The following UBA6 variants were observed in gnomAD, a reference collection of about 807,000 sequenced individuals.
UBA6 encodes ubiquitin-like modifier-activating enzyme 6.
A neutral mutation model predicts 148.3 loss-of-function variants in UBA6; 87 were observed. The observed-to-expected ratio is 0.59, with a 90% CI of 0.49 to 0.70. UBA6 has a LOEUF of 0.70. Ranked by LOEUF, UBA6 falls within the 30% of genes least tolerant of loss-of-function variation. The probability of loss-of-function intolerance (pLI) is 0.00; values close to 1 mark genes in which losing one functional copy is unlikely to be tolerated. For missense variants in UBA6, 1,186 were observed against 1,241.2 expected, an observed-to-expected ratio of 0.96 and a Z score of 0.67; for synonymous variants, 376 against 401.0, an observed-to-expected ratio of 0.94 and a Z score of 0.75.
intron 18 of UBA6, among the ~76,000 whole-genome samples, chr4:67,639,536 C>A (rs1005586614): frequency 3.3e-5 from 5 of 151,952 alleles, no homozygotes; most frequent in African/African-American, 9.7e-5. Flanking sequence ...TAGAGGTATG[C>A]GAGTTGAATA....
chr4:67,634,104 A>G (rs1729066896), intron 22 of UBA6, 138 bp downstream of exon 22: 1 of 565,598 alleles, frequency 1.8e-6, no homozygotes, highest in Non-Finnish European at 3.0e-6. Context: ...CCTAATTTCA[A>G]GATTCCTTAT....
At chr4:67,680,801 G>T (rs1421973468) in intron 4 of UBA6, among the ~76,000 whole-genome samples, 1 of 152,190 alleles carries the variant, frequency 6.6e-6, no homozygotes, top group African/African-American at 2.4e-5. Context: ...TGTTTACTCT[G>T]ATGAAGCAAA....
Position 67,625,195 on chromosome 4 carries a change from T to C in UBA6, c.2519-8A>G, listed in dbSNP as rs1008739937. The C allele has an allele frequency of 6.3e-6, 10 of 1,589,190 alleles. No individual in the cohort carries two copies. In the African/African-American group the frequency reaches 1.1e-4, roughly 17 times the overall value. ...CTGCCATCTGAAGGTCACCTGATTATACCAACCAGATAAACAAAGTTCCAC... is the reference window on the plus strand; with the variant it reads ...CTGCCATCTGAAGGTCACCTGATTACACCAACCAGATAAACAAAGTTCCAC... On this transcript the variant is annotated splice_region_variant and splice_polypyrimidine_tract_variant and intron_variant, in intron 28 of 32. Coordinates refer to ENST00000322244, the MANE Select transcript of UBA6 (RefSeq NM_018227.6).
chr4:67,662,656 T>A (rs1729891785), intron 12 of UBA6: 1 of 172,510 alleles, frequency 5.8e-6, no homozygotes, highest in African/African-American at 2.4e-5. Context: ...AGAGACAGGG[T>A]TTCGCCATGT....
intron 13 of UBA6, among the ~76,000 whole-genome samples, chr4:67,651,407 T>C (rs144141846): frequency 1.4e-3 from 217 of 152,290 alleles, no homozygotes; most frequent in African/African-American, 4.9e-3. Context: ...CTCTGAGATA[T>C]AACCTGGTAA....
intron 1 of UBA6, among the ~76,000 whole-genome samples, chr4:67,700,635 A>T (rs1454003976): frequency 6.6e-6 from 1 of 151,750 alleles, no homozygotes; most frequent in Non-Finnish European, 1.5e-5. Flanking sequence ...TCAAAAGAGG[A>T]TCTCAGTGGA....
chr4:67,668,462 T>C, intron 9 of UBA6, 89 bp downstream of exon 9: 1 of 1,254,740 alleles, frequency 8.0e-7, no homozygotes, highest in East Asian at 2.4e-5. Flanking sequence ...CATGTCTCTC[T>C]GAGTTGACAT....
chr4:67,627,627 T>C (rs1728898215), intron 27 of UBA6, among the ~76,000 whole-genome samples: 1 of 151,908 alleles, frequency 6.6e-6, no homozygotes, highest in South Asian at 2.1e-4. Context: ...CTTTATAGGC[T>C]ATAAGTCATA....
intron 3 of UBA6, 146 bp downstream of exon 3, chr4:67,681,973 A>C (rs1730451358): frequency 1.5e-6 from 1 of 646,362 alleles, no homozygotes; most frequent in Admixed American, 2.8e-5. Flanking sequence ...ATCACGAAAT[A>C]GTCTTGACAA....
At chr4:67,655,512 C>G (rs1372145589) in intron 13 of UBA6, among the ~76,000 whole-genome samples, 1 of 152,142 alleles carries the variant, frequency 6.6e-6, no homozygotes, top group African/African-American at 2.4e-5. Flanking sequence ...ACACAACATA[C>G]CAGAATCTCT....
intron 4 of UBA6, 118 bp downstream of exon 4, chr4:67,681,439 ATTTTTT>A (rs200361645): frequency 3.4e-6 from 2 of 595,688 alleles, no homozygotes; most frequent in East Asian, 7.3e-5. Context: ...AATTTCCATG[ATTTTTT>A]TTAAAAAGTA....
At chr4:67,693,017 T>A (rs980070679) in intron 2 of UBA6, among the ~76,000 whole-genome samples, 1 of 152,172 alleles carries the variant, frequency 6.6e-6, no homozygotes, top group African/African-American at 2.4e-5. Context: ...CAGTATTGTA[T>A]AGAAACATTT....
chr4:67,641,295 G>T, intron 17 of UBA6, 67 bp from the exon 18 acceptor site: 1 of 997,222 alleles, frequency 1.0e-6, no homozygotes, highest in Non-Finnish European at 1.5e-6. Flanking sequence ...TCTTTTCTCA[G>T]TATGACTAAA....
chr4:67,672,067 A>G (rs1198944910), intron 7 of UBA6, among the ~76,000 whole-genome samples: 1 of 152,088 alleles, frequency 6.6e-6, no homozygotes, highest in African/African-American at 2.4e-5. Flanking sequence ...TGTCTAAGAT[A>G]CCAGCATCTC....
rs556899921 is a variant in UBA6, at chr4:67,648,875, C to G, written c.1248+193G>C. 2.0e-5 allele frequency among the ~76,000 whole-genome samples: 3 copies of G among 152,268 alleles called. No individual in the cohort carries two copies. The South Asian group carries it at 6.2e-4, about 32-fold the overall frequency. ...TTGAGAAGGCAACTTTGGGTTATAT[C>G]TCAATAGCCCTAAAATATCATCCTG... On this transcript the variant is annotated intron_variant, in intron 14 of 32. Coordinates refer to ENST00000322244, the MANE Select transcript of UBA6 (RefSeq NM_018227.6).
Position 67,645,990 on chromosome 4 carries a change from G to A in UBA6, c.1343C>T (p.Ala448Val). Residue 448 changes from alanine to valine, a missense_variant, in exon 16 of 33, where the codon GCT becomes GTT. Transcript: ENST00000322244. The part of the protein sequence containing the change: ...PRGDRYDALR[A>V]CIGDTLCQKL... Reference sequence around the variant, plus strand: ...CTGACACAAAGTGTCTCCAATGCAAGCTCTTAAGGCATCATATCTATCTCC... The same window carrying A: ...CTGACACAAAGTGTCTCCAATGCAAACTCTTAAGGCATCATATCTATCTCC... 6.3e-7 allele frequency: 1 copy of A among 1,587,472 alleles called. No homozygotes were observed. The highest frequency in any genetic ancestry group is 8.6e-7 in the Non-Finnish European group (1 of 1,165,178).
chr4:67,622,708 A>G (rs909541473), intron 32 of UBA6, 123 bp downstream of exon 32: 3 of 657,754 alleles, frequency 4.6e-6, no homozygotes, highest in South Asian at 2.7e-5. Flanking sequence ...GTCTTTATTA[A>G]TGTCATTAGA....
In UBA6 at chr4:67,646,657, T is replaced by C. The variant is rs574329650; in HGVS notation, c.1316+67A>G. The stretch of plus-strand genomic sequence containing the variant: ...GGAGAAAAGACACATAAAACAAAGG[T>C]ATGTTTAGACAAAACTTTTAAAATC... On this transcript the variant is annotated intron_variant, in intron 15 of 32. Coordinates refer to ENST00000322244, the MANE Select transcript of UBA6 (RefSeq NM_018227.6). 2.4e-4 allele frequency: 279 copies of C among 1,175,760 alleles called. 3 individuals carry two copies. The South Asian group carries it at 3.5e-3, about 15-fold the overall frequency. 72.8% of individuals were successfully genotyped at this position (1,175,760 alleles called of 1,614,324 possible).
At chr4:67,686,318 T>A (rs1730558252) in intron 2 of UBA6, among the ~76,000 whole-genome samples, 1 of 152,138 alleles carries the variant, frequency 6.6e-6, no homozygotes, top group East Asian at 1.9e-4. Context: ...GCTAAACATC[T>A]CCAGTTCCTT....
Sources: allele counts gnomAD v4.1 joint callset (sites outside exome capture counted in the v4.1 genomes callset), GRCh38; gene constraint gnomAD v4.1.1; transcripts MANE v1.5; gene names NCBI Gene and HGNC (gene_info 2026-07-23, HGNC 2026-07-21).